Variants in SLC35F4 observed in about 807,000 individuals in gnomAD.
SLC35F4 encodes the protein solute carrier family 35 member F4.
In SLC35F4, 24 loss-of-function variants were observed where a neutral mutation model predicts 44.2. The ratio of observed to expected loss-of-function variants is 0.54; its 90% CI spans 0.39 to 0.76. SLC35F4 has a LOEUF of 0.76. Ranked by LOEUF, SLC35F4 falls within the 30% of genes least tolerant of loss-of-function variation. SLC35F4 has a pLI of 0.00. For missense variants in SLC35F4, 562 were observed against 586.1 expected, an observed-to-expected ratio of 0.96 and a Z score of 0.42; for synonymous variants, 238 against 223.6, an observed-to-expected ratio of 1.06 and a Z score of -0.57.
intron 4 of SLC35F4, among the ~76,000 whole-genome samples, chr14:57,572,736 C>A (rs932262665): frequency 5.3e-5 from 8 of 152,280 alleles, no homozygotes; most frequent in African/African-American, 1.9e-4. Context: ...ATTCATAATT[C>A]AACTGAAGTC....
At chr14:57,812,721 A>G (rs1035027856) in intron 1 of SLC35F4, among the ~76,000 whole-genome samples, 2 of 152,192 alleles carry the variant, frequency 1.3e-5, no homozygotes, top group East Asian at 3.8e-4. Context: ...AAAAAAAAGC[A>G]TCTGTTAGTC....
chr14:57,927,343 T>C (rs553478783), intron 1 of SLC35F4, among the ~76,000 whole-genome samples: 4 of 152,318 alleles, frequency 2.6e-5, no homozygotes, highest in African/African-American at 9.6e-5. Context: ...CTTCTCCTGG[T>C]GGTTCAAAGG....
At chr14:57,951,840 A>G (rs10438132) in intron 1 of SLC35F4, among the ~76,000 whole-genome samples, 76,408 of 152,080 alleles carry the variant, frequency 0.5, 20,367 homozygotes, top group East Asian at 0.81. Flanking sequence ...CAGAGGGAAG[A>G]GGCGGCTATG....
intron 1 of SLC35F4, among the ~76,000 whole-genome samples, chr14:57,748,270 A>C (rs895739888): frequency 1.3e-5 from 2 of 152,174 alleles, no homozygotes; most frequent in East Asian, 3.8e-4. Flanking sequence ...GACTGCTTCC[A>C]TGGTATATTG....
At chr14:57,794,415 T>C (rs1428443801) in intron 1 of SLC35F4, among the ~76,000 whole-genome samples, 1 of 151,982 alleles carries the variant, frequency 6.6e-6, no homozygotes, top group Non-Finnish European at 1.5e-5. Flanking sequence ...CAAGAAGATA[T>C]ACAAATGGCC....
chr14:57,835,465 C>T (rs184510228), intron 1 of SLC35F4, among the ~76,000 whole-genome samples: 50 of 152,338 alleles, frequency 3.3e-4, no homozygotes, highest in Non-Finnish European at 6.0e-4. Context: ...TCTCAACACT[C>T]CTAAAAAGCA....
chr14:57,744,900 C>G lies in SLC35F4; in HGVS notation c.103+120823G>C, dbSNP rs1485088048. Among the ~76,000 whole-genome samples, 3 of 152,112 alleles carry G rather than the reference C, an allele frequency of 2.0e-5. No individual in the cohort carries two copies. In the East Asian group the frequency reaches 5.8e-4, roughly 29 times the overall value. ...ACTGGTACCAAAACAGAGATATAGA[C>G]CAATGGAACAGAACACAGCCCTCAG... On this transcript the variant is annotated intron_variant, in intron 1 of 7. Coordinates refer to ENST00000556826, the MANE Select transcript of SLC35F4 (RefSeq NM_001306087.2).
Position 57,952,772 on chromosome 14 carries a change from GA to G in SLC35F4, n.282+29140del, listed in dbSNP as rs140537656. Among the ~76,000 whole-genome samples, 3,080 of 152,102 alleles carry G rather than the reference GA, an allele frequency of 0.02. 337 individuals carry two copies. The East Asian group carries it at 0.35, about 17-fold the overall frequency. ...GAAAAGGAATGAACAAAACTTCCAAGAAATATGGGACTATGTGAAAAGACCA... is the reference window on the plus strand; with the variant it reads ...GAAAAGGAATGAACAAAACTTCCAAGAATATGGGACTATGTGAAAAGACCA... On this transcript the variant is annotated intron_variant and non_coding_transcript_variant, in intron 1 of 1. Coordinates refer to the SLC35F4 transcript ENST00000556568.
intron 1 of SLC35F4, among the ~76,000 whole-genome samples, chr14:57,744,416 T>C (rs1217988673): frequency 6.6e-6 from 1 of 152,092 alleles, no homozygotes; most frequent in Non-Finnish European, 1.5e-5. Context: ...ATCACAAACA[T>C]TCCTATACAC....
At position 57,814,878 on chromosome 14, in the gene SLC35F4, G is replaced by C. The variant is rs190651816; in HGVS notation, c.103+50845C>G. Among the ~76,000 whole-genome samples the C allele has an allele frequency of 1.7e-3, 262 of 151,810 alleles. 1 individual carries two copies. Among genetic ancestry groups the C allele is most frequent in the African/African-American group, 5.9e-3 (245 of 41,216 alleles). On this transcript the variant is annotated intron_variant, in intron 1 of 7. Coordinates refer to ENST00000556826, the MANE Select transcript of SLC35F4 (RefSeq NM_001306087.2). ...GCTTGCCGTGGAAACTGAAACATCT[G>C]TTTTAAAAAATAAACGTCATTTAGG...
At chr14:57,596,467 G>A (rs1041755458) in intron 1 of SLC35F4, 1 of 312,860 alleles carries the variant, frequency 3.2e-6, no homozygotes, top group Non-Finnish European at 6.2e-6. Flanking sequence ...TTCAAGAGTG[G>A]CTGATGCTCA....
In SLC35F4 at chr14:57,693,807, CT is replaced by C. The variant is rs534249444; in HGVS notation, c.104-99684del. 1.8e-3 allele frequency among the ~76,000 whole-genome samples: 268 copies of C among 151,568 alleles called. 1 individual carries two copies. Among genetic ancestry groups the C allele is most frequent in the Admixed American group, 4.4e-3 (67 of 15,188 alleles). On this transcript the variant is annotated intron_variant, in intron 1 of 7. Transcript: ENST00000556826. ...CTGGTCTCGGCAATTTGTCCCCTAA[CT>C]TTTTTTTTGCTTAATCTGTGTAGGT...
At chr14:57,672,410 A>C (rs1470140733) in intron 1 of SLC35F4, among the ~76,000 whole-genome samples, 1 of 152,102 alleles carries the variant, frequency 6.6e-6, no homozygotes, top group Non-Finnish European at 1.5e-5. Flanking sequence ...CAGTGATCTC[A>C]ATTATCTAAT....
intron 1 of SLC35F4, among the ~76,000 whole-genome samples, chr14:57,950,946 C>T (rs916251767): frequency 3.9e-5 from 6 of 152,106 alleles, no homozygotes; most frequent in Middle Eastern, 6.8e-3. Flanking sequence ...ATTACAGGCA[C>T]GAGCCACCAC....
At chr14:57,909,572 AC>A (rs1566927210) in intron 1 of SLC35F4, among the ~76,000 whole-genome samples, 4 of 150,720 alleles carry the variant, frequency 2.7e-5, no homozygotes, top group Admixed American at 1.3e-4. Flanking sequence ...ACACACACAC[AC>A]ACAAACACAC....
At chr14:57,580,650 A>C (rs1375202162) in intron 4 of SLC35F4, 1 of 199,500 alleles carries the variant, frequency 5.0e-6, no homozygotes, top group Non-Finnish European at 1.1e-5. Context: ...ATGCAGTTCA[A>C]TTAAGGATTT....
downstream of SLC35F4, among the ~76,000 whole-genome samples, chr14:57,975,189 T>C (rs974533926): frequency 2.6e-5 from 4 of 152,182 alleles, no homozygotes; most frequent in Admixed American, 1.3e-4. Flanking sequence ...TTTCTTGCAA[T>C]TCCCAGAGTC....
intron 1 of SLC35F4, among the ~76,000 whole-genome samples, chr14:57,643,429 C>A (rs1415170085): frequency 6.6e-6 from 1 of 151,710 alleles, no homozygotes; most frequent in Non-Finnish European, 1.5e-5. Context: ...TAATAATGGC[C>A]CTGATTTATG....
At chr14:57,880,042 AAGGAAGGAAGG>A in intron 1 of SLC35F4, among the ~76,000 whole-genome samples, 2 of 890 alleles carry the variant, frequency 2.2e-3, no homozygotes, top group East Asian at 0.048. Flanking sequence ...GGGAGGAAGG[AAGGAAGGAAGG>A]AAGGAAGGAA....
Sources: gnomAD v4.1 joint callset for allele counts (sites outside exome capture counted in the v4.1 genomes callset) on GRCh38, gnomAD v4.1.1 for gene constraint, MANE v1.5 for transcripts, NCBI Gene and HGNC (gene_info 2026-07-23, HGNC 2026-07-21) for gene names.